The following SNX14 variants were observed in gnomAD, a reference collection of about 807,000 sequenced individuals.
SNX14 encodes the protein sorting nexin 14.
In SNX14, 93 loss-of-function variants were observed where a neutral mutation model predicts 133.8. That is an observed-to-expected ratio of 0.70 (90% confidence interval 0.59 to 0.83). The LOEUF (loss-of-function observed/expected upper bound fraction) is 0.83, where lower values mean the gene tolerates loss of function less well. SNX14 is among the 40% of genes least tolerant of loss of function. The pLI is 0.00. For synonymous variants in SNX14, 368 were observed against 365.6 expected (o/e 1.01, Z -0.07); for missense variants, 945 against 1,094.9 (o/e 0.86, Z 1.93).
intron 5 of SNX14, among the ~76,000 whole-genome samples, chr6:85,566,063 G>A (rs983587595): frequency 6.6e-6 from 1 of 152,198 alleles, no homozygotes; most frequent in African/African-American, 2.4e-5. Flanking sequence ...AAAGATAATT[G>A]TATCAACCAT....
chr6:85,541,060 C>T (rs1459343981), intron 15 of SNX14, among the ~76,000 whole-genome samples: 1 of 149,706 alleles, frequency 6.7e-6, no homozygotes, highest in Non-Finnish European at 1.5e-5. Flanking sequence ...GTAGCACGAT[C>T]TTGGCTCATT....
chr6:85,593,649 T>G lies in SNX14; in HGVS notation c.70A>C (p.Ile24Leu). The change falls in exon 1 of 29, where the codon ATC (isoleucine) becomes CTC (leucine). Residue 24 changes from isoleucine (I) to leucine (L), a missense_variant. Coordinates refer to ENST00000314673, the MANE Select transcript of SNX14 (RefSeq NM_153816.6). ...QRLRLDVGRE[I>L]CRQYPLFCFL... ...CAGAACAGCGGGTACTGGCGGCAGA[T>G]CTCGCGTCCCACGTCCAGTCGCAGC... 6.2e-7 allele frequency: 1 copy of G among 1,612,828 alleles called. No individual in the cohort carries two copies. The highest frequency in any genetic ancestry group is 1.7e-5 in the Admixed American group (1 of 60,002).
At chr6:85,528,211 A>C in intron 20 of SNX14, 51 bp downstream of exon 20, 20 of 1,270,610 alleles carry the variant, frequency 1.6e-5, no homozygotes, top group Non-Finnish European at 2.1e-5. Flanking sequence ...GAGACAAATT[A>C]GAGAATGCTA....
intron 23 of SNX14, among the ~76,000 whole-genome samples, chr6:85,515,276 A>C (rs912798875): frequency 1.8e-4 from 27 of 151,400 alleles, no homozygotes; most frequent in African/African-American, 5.1e-4. Context: ...AAAAAAAAAA[A>C]AAAAAAAAAA....
intron 1 of SNX14, among the ~76,000 whole-genome samples, chr6:85,584,237 C>T (rs1460662021): frequency 1.3e-5 from 2 of 152,172 alleles, no homozygotes; most frequent in African/African-American, 4.8e-5. Flanking sequence ...ACACCTTATA[C>T]AAAAATCAAA....
chr6:85,570,367 G>A (rs1017743977), intron 4 of SNX14, among the ~76,000 whole-genome samples: 2 of 149,288 alleles, frequency 1.3e-5, no homozygotes, highest in African/African-American at 5.2e-5. Context: ...TAATACTCTT[G>A]TTAGAAGTTT....
chr6:85,584,278 C>A lies in SNX14; in HGVS notation c.140+9301G>T, dbSNP rs536577780. ...ATGGATTAAACACTTAAACGTAAGA[C>A]CCAAAACCATAAAAACCCTAGAATA... On this transcript the variant is annotated intron_variant, in intron 1 of 28. Transcript: ENST00000314673. 1.1e-4 allele frequency among the ~76,000 whole-genome samples: 16 copies of A among 152,276 alleles called. 1 individual carries two copies. Among genetic ancestry groups the A allele is most frequent in the Middle Eastern group, 3.4e-3 (1 of 294 alleles).
At chr6:85,582,216 C>T (rs1029692908) in intron 1 of SNX14, among the ~76,000 whole-genome samples, 3 of 151,992 alleles carry the variant, frequency 2.0e-5, no homozygotes, top group African/African-American at 7.2e-5. Context: ...ATATTTAAAG[C>T]GCTGAAGGAA....
intron 1 of SNX14, among the ~76,000 whole-genome samples, chr6:85,575,674 C>T (rs901208052): frequency 1.3e-5 from 2 of 152,192 alleles, no homozygotes; most frequent in African/African-American, 4.8e-5. Flanking sequence ...GATGACAATG[C>T]TGCTGTTCAA....
At chr6:85,577,914 G>A (rs2128214350) in intron 1 of SNX14, among the ~76,000 whole-genome samples, 1 of 152,276 alleles carries the variant, frequency 6.6e-6, no homozygotes, top group Middle Eastern at 3.4e-3. Flanking sequence ...TGATTAACCA[G>A]GCAAAAACAA....
chr6:85,565,610 C>T (rs982827462), intron 5 of SNX14, among the ~76,000 whole-genome samples, 191 bp from the exon 6 acceptor site: 6 of 152,138 alleles, frequency 3.9e-5, no homozygotes, highest in Non-Finnish European at 7.4e-5. Flanking sequence ...ATAATTCTAG[C>T]ATCAAGACAT....
Position 85,549,882 on chromosome 6 carries a change from A to G in SNX14, c.635-3T>C, listed in dbSNP as rs1157877899. 5 of 1,592,006 alleles carry G rather than the reference A, an allele frequency of 3.1e-6. No homozygotes were observed. Among genetic ancestry groups the G allele is most frequent in the African/African-American group, 2.7e-5 (2 of 73,616 alleles). On this transcript the variant is annotated splice_polypyrimidine_tract_variant and splice_region_variant and intron_variant, in intron 7 of 28. Coordinates refer to ENST00000314673, the MANE Select transcript of SNX14 (RefSeq NM_153816.6). ...CTGTAAAAACTCTGTATTTTTTACT[A>G]TAGAGATTAAAGATAAATATTGAAA... is the stretch of plus-strand genomic sequence containing the variant.
chr6:85,554,559 C>T (rs1789003789), intron 7 of SNX14, among the ~76,000 whole-genome samples: 1 of 151,988 alleles, frequency 6.6e-6, no homozygotes, highest in South Asian at 2.1e-4. Context: ...TTTTATAAGT[C>T]TAATTTACTA....
intron 18 of SNX14, 140 bp downstream of exon 18, chr6:85,533,459 C>G (rs1389911090): frequency 1.3e-6 from 1 of 756,706 alleles, no homozygotes; most frequent in South Asian, 1.9e-5. Context: ...AGCTTTCTTT[C>G]AATTTTCTGT....
chr6:85,514,217 C>T lies in SNX14; in HGVS notation c.2410G>A (p.Val804Ile), dbSNP rs141213887. 396 of 1,611,936 alleles carry T rather than the reference C, an allele frequency of 2.5e-4. 1 individual carries two copies. The highest frequency in any genetic ancestry group is 1.7e-3 in the African/African-American group (130 of 74,938). ...AAGAGATGATGAAGCCAGTCAGGAACCTGGAAAACTACCCGTCCTGAGAAA... is the reference window on the plus strand; with the variant it reads ...AAGAGATGATGAAGCCAGTCAGGAATCTGGAAAACTACCCGTCCTGAGAAA... The part of the protein sequence containing the change: ...LMYVGRVVFQ[V>I]PDWLHHLLMG... Residue 804 changes from valine (V) to isoleucine (I), a missense_variant, in exon 25 of 29, where the codon GTT (valine) becomes ATT (isoleucine). Val to Ile is a conservative substitution (Grantham distance 29, BLOSUM62 3). Coordinates refer to ENST00000314673, the MANE Select transcript of SNX14 (RefSeq NM_153816.6).
Position 85,579,599 on chromosome 6 carries a change from A to G in SNX14, c.141-5221T>C, listed in dbSNP as rs1439498543. On this transcript the variant is annotated intron_variant, in intron 1 of 28. Coordinates refer to ENST00000314673, the MANE Select transcript of SNX14 (RefSeq NM_153816.6). Reference sequence around the variant, plus strand: ...GTCAAAGGAAAGCACACGGCTTGAGAGAGGGACAACACAGTGATTGTGAGA... The same window carrying G: ...GTCAAAGGAAAGCACACGGCTTGAGGGAGGGACAACACAGTGATTGTGAGA... Among the ~76,000 whole-genome samples the G allele has an allele frequency of 2.6e-5, 4 of 152,174 alleles. No individual in the cohort carries two copies. In the East Asian group the frequency reaches 7.7e-4, roughly 29 times the overall value.
At chr6:85,533,135 C>T (rs1033026231) in intron 18 of SNX14, among the ~76,000 whole-genome samples, 1 of 152,198 alleles carries the variant, frequency 6.6e-6, no homozygotes, top group African/African-American at 2.4e-5. Flanking sequence ...AATCCACCTG[C>T]CTTGGCCTCC....
chr6:85,571,306 G>A (rs1251645745), intron 4 of SNX14, among the ~76,000 whole-genome samples: 1 of 151,124 alleles, frequency 6.6e-6, no homozygotes, highest in African/African-American at 2.4e-5. Flanking sequence ...GTTGCAATGA[G>A]GTGAGATCGC....
In SNX14 at chr6:85,528,343, C is replaced by T; in HGVS notation, c.1914G>A (p.Gln638=). The T allele has an allele frequency of 6.2e-7, 1 of 1,612,930 alleles. No homozygotes were observed. The highest frequency in any genetic ancestry group is 8.5e-7 in the Non-Finnish European group (1 of 1,179,422). ...GGCCAATGATCCTCTTAGAAGGAAG[C>T]TGGGCATCAGGAAATGCACCTGAAA... ...TEFHGAFPDA[Q]LPSKRIIGPK... Residue 638 remains glutamine, a synonymous_variant, in exon 20 of 29, where the codon CAG becomes CAA. Transcript: ENST00000314673.
Sources: gnomAD v4.1 joint callset for allele counts (sites outside exome capture counted in the v4.1 genomes callset) on GRCh38, gnomAD v4.1.1 for gene constraint, MANE v1.5 for transcripts, NCBI Gene and HGNC (gene_info 2026-07-23, HGNC 2026-07-21) for gene names.